The following ERBB4 variants were observed in gnomAD, a reference collection of about 807,000 sequenced individuals.
ERBB4 encodes erb-b2 receptor tyrosine kinase 4.
A neutral mutation model predicts 158.0 loss-of-function variants in ERBB4; 42 were observed. The ratio of observed to expected loss-of-function variants is 0.27; its 90% CI spans 0.21 to 0.34. ERBB4 has a LOEUF of 0.34. ERBB4 is among the 10% of genes least tolerant of loss of function. The pLI, the probability that ERBB4 is intolerant of heterozygous loss-of-function variation, is 1.00. For missense variants in ERBB4, 1,333 were observed against 1,624.1 expected (o/e 0.82, Z 3.08); for synonymous variants, 583 against 558.7 (o/e 1.04, Z -0.61).
intron 2 of ERBB4, among the ~76,000 whole-genome samples, chr2:212,118,847 C>T (rs978313568): frequency 6.6e-6 from 1 of 151,892 alleles, no homozygotes; most frequent in Non-Finnish European, 1.5e-5. Flanking sequence ...TAATAACATG[C>T]ATTTGTTATT....
intron 1 of ERBB4, chr2:212,125,180 A>G: frequency 2.8e-6 from 1 of 359,596 alleles, no homozygotes; most frequent in Non-Finnish European, 5.1e-6. Context: ...TTATGACCAT[A>G]TAAAGCAAGT....
intron 9 of ERBB4, among the ~76,000 whole-genome samples, chr2:211,709,250 T>TACACAC (rs72438406): frequency 4.4e-4 from 55 of 124,300 alleles, no homozygotes; most frequent in South Asian, 1.9e-3. Context: ...TATATATATA[T>TACACAC]ACACATATAT....
At chr2:212,330,716 T>A (rs1335817225) in intron 1 of ERBB4, among the ~76,000 whole-genome samples, 1 of 151,960 alleles carries the variant, frequency 6.6e-6, no homozygotes, top group Non-Finnish European at 1.5e-5. Flanking sequence ...CACCAGCTGC[T>A]CTGCCTCTGT....
chr2:212,099,630 T>A (rs2125513093), intron 2 of ERBB4, among the ~76,000 whole-genome samples: 1 of 152,330 alleles, frequency 6.6e-6, no homozygotes, highest in African/African-American at 2.4e-5. Context: ...GGTCTTGCTT[T>A]CCTACAACCT....
chr2:211,561,487 C>T (rs1370927519), intron 20 of ERBB4, among the ~76,000 whole-genome samples: 1 of 152,206 alleles, frequency 6.6e-6, no homozygotes, highest in Non-Finnish European at 1.5e-5. Context: ...AGACTTTGCT[C>T]ATTTGTAATA....
chr2:212,067,110 C>A (rs1373117626), intron 2 of ERBB4, among the ~76,000 whole-genome samples: 1 of 151,946 alleles, frequency 6.6e-6, no homozygotes, highest in Non-Finnish European at 1.5e-5. Flanking sequence ...TTTGGTATAG[C>A]ACACCTTTAT....
intron 19 of ERBB4, among the ~76,000 whole-genome samples, chr2:211,618,325 T>A (rs1376387949): frequency 6.6e-6 from 1 of 152,076 alleles, no homozygotes; most frequent in Non-Finnish European, 1.5e-5. Context: ...TTAGGCAACA[T>A]CTGGCCTGCA....
chr2:212,504,646 CAT>C (rs1691084566), intron 1 of ERBB4, among the ~76,000 whole-genome samples: 1 of 152,028 alleles, frequency 6.6e-6, no homozygotes. Context: ...ATTGAAGATA[CAT>C]AGTCTGAACC....
At chr2:211,477,297 A>ATCTCTCTCTCTCTCTTTCTC (rs2064978791) in intron 20 of ERBB4, among the ~76,000 whole-genome samples, 1 of 151,008 alleles carries the variant, frequency 6.6e-6, no homozygotes, top group Non-Finnish European at 1.5e-5. Flanking sequence ...ATTCCTTAAA[A>ATCTCTCTCTCTCTCTTTCTC]TCTCTCTCTC....
At chr2:212,345,950 ATATTT>A (rs2088978995) in intron 1 of ERBB4, among the ~76,000 whole-genome samples, 1 of 152,198 alleles carries the variant, frequency 6.6e-6, no homozygotes, top group East Asian at 1.9e-4. Flanking sequence ...AATACAATGT[ATATTT>A]TATATTATCT....
chr2:212,322,464 A>T (rs1353244495), intron 1 of ERBB4, among the ~76,000 whole-genome samples: 1 of 150,672 alleles, frequency 6.6e-6, no homozygotes, highest in Non-Finnish European at 1.5e-5. Context: ...AAACTATTTT[A>T]TGTGATTACT....
At chr2:212,032,482 G>A (rs2076925300) in intron 2 of ERBB4, among the ~76,000 whole-genome samples, 2 of 151,940 alleles carry the variant, frequency 1.3e-5, no homozygotes, top group Non-Finnish European at 2.9e-5. Flanking sequence ...TGGCTTCATA[G>A]TTTTATATTT....
intron 4 of ERBB4, among the ~76,000 whole-genome samples, chr2:211,777,038 C>T (rs1172067460): frequency 1.3e-5 from 2 of 152,004 alleles, no homozygotes; most frequent in Non-Finnish European, 2.9e-5. Flanking sequence ...GTACATTTAC[C>T]TAGGTTGATG....
At chr2:211,429,439 CT>C (rs1195233249) in intron 21 of ERBB4, among the ~76,000 whole-genome samples, 4 of 152,058 alleles carry the variant, frequency 2.6e-5, no homozygotes, top group Admixed American at 6.6e-5. Flanking sequence ...AAAATAGGAA[CT>C]ATATAAAAGA....
chr2:211,946,019 T>A (rs190727481), intron 3 of ERBB4, among the ~76,000 whole-genome samples: 28 of 152,150 alleles, frequency 1.8e-4, no homozygotes, highest in Non-Finnish European at 3.5e-4. Context: ...CTCTACACAT[T>A]TCATTTCCAA....
At chr2:212,266,708 G>A (rs183008758) in intron 1 of ERBB4, among the ~76,000 whole-genome samples, 117 of 151,968 alleles carry the variant, frequency 7.7e-4, no homozygotes, top group African/African-American at 2.6e-3. Flanking sequence ...AATATTCTCA[G>A]ACTATTTCTT....
intron 3 of ERBB4, among the ~76,000 whole-genome samples, chr2:211,918,344 C>G (rs183708224): frequency 4.9e-4 from 75 of 151,928 alleles, no homozygotes; most frequent in African/African-American, 1.8e-3. Flanking sequence ...ATGTCTATAC[C>G]CTTATTCCAT....
intron 12 of ERBB4, among the ~76,000 whole-genome samples, chr2:211,683,536 A>G (rs2072442458): frequency 6.6e-6 from 1 of 152,174 alleles, no homozygotes; most frequent in Non-Finnish European, 1.5e-5. Context: ...TATTGACCAT[A>G]GTATTTCATA....
intron 2 of ERBB4, among the ~76,000 whole-genome samples, chr2:211,967,083 T>C (rs996367800): frequency 7.2e-5 from 11 of 152,112 alleles, no homozygotes; most frequent in African/African-American, 2.4e-4. Flanking sequence ...TTAGCGTACT[T>C]AAATGACAAA....
Sources: allele counts gnomAD v4.1 joint callset (sites outside exome capture counted in the v4.1 genomes callset), GRCh38; gene constraint gnomAD v4.1.1; transcripts MANE v1.5; gene names NCBI Gene and HGNC (gene_info 2026-07-23, HGNC 2026-07-21).